The following MYH9 variants were observed in gnomAD, a reference collection of about 807,000 sequenced individuals.
MYH9 encodes myosin heavy chain 9.
In MYH9, 29 loss-of-function variants were observed where a neutral mutation model predicts 241.9. That is an observed-to-expected ratio of 0.12 (90% confidence interval 0.09 to 0.16). The LOEUF (loss-of-function observed/expected upper bound fraction) is 0.16. Ranked by LOEUF, MYH9 falls within the 10% of genes least tolerant of loss-of-function variation. The pLI is 1.00. For missense variants in MYH9, 1,803 were observed against 2,595.5 expected, an observed-to-expected ratio of 0.69 and a Z score of 6.63; for synonymous variants, 1,047 against 1,062.6, an observed-to-expected ratio of 0.99 and a Z score of 0.29.
chr22:36,329,542 T>C lies in MYH9; in HGVS notation c.491-2054A>G, dbSNP rs2017389736. ...TGTGGGCATGTTTAGTCACCGGCTC[T>C]ACTAGCAGGCAAGAATGTACCTGCG... is the stretch of plus-strand genomic sequence containing the variant. On this transcript the variant is annotated intron_variant, in intron 3 of 40. Transcript: ENST00000216181. The surrounding 1 kb of genome is among the most constrained non-coding windows in gnomAD (Gnocchi z 4.1). Among the ~76,000 whole-genome samples, 1 of 152,210 alleles carries C rather than the reference T, an allele frequency of 6.6e-6. No homozygotes were observed. Among genetic ancestry groups the C allele is most frequent in the African/African-American group, 2.4e-5 (1 of 41,458 alleles).
chr22:36,331,809 C>A (rs2017424971), intron 3 of MYH9, among the ~76,000 whole-genome samples: 1 of 152,218 alleles, frequency 6.6e-6, no homozygotes, highest in Non-Finnish European at 1.5e-5. Context: ...ATCTTCGGCT[C>A]CACTGGGCTT....
Position 36,287,347 on chromosome 22 carries a change from C to T in MYH9, c.4933-501G>A, listed in dbSNP as rs545725324. 7.2e-5 allele frequency among the ~76,000 whole-genome samples: 11 copies of T among 152,252 alleles called. 1 individual carries two copies. Among genetic ancestry groups the T allele is most frequent in the Admixed American group, 4.6e-4 (7 of 15,296 alleles). On this transcript the variant is annotated intron_variant, in intron 34 of 40. Transcript: ENST00000216181. ...GAGTGACTGGCTGTGTGCAGCCCGA[C>T]CACACCAGTAAAAAAATGCCACCAG...
intron 3 of MYH9, among the ~76,000 whole-genome samples, chr22:36,328,192 GACA>G (rs1337566551): frequency 2.0e-5 from 3 of 152,212 alleles, no homozygotes; most frequent in Admixed American, 2.0e-4. Flanking sequence ...GGGTTTCTGT[GACA>G]ACCTGTTCTC....
chr22:36,286,868 G>C, intron 34 of MYH9, 22 bp from the exon 35 acceptor site: 1 of 1,603,254 alleles, frequency 6.2e-7, no homozygotes, highest in Non-Finnish European at 8.5e-7. Flanking sequence ...ACAGAGGCTT[G>C]GCACCCCACC....
intron 3 of MYH9, among the ~76,000 whole-genome samples, chr22:36,340,117 G>C (rs899392220): frequency 6.6e-6 from 1 of 151,882 alleles, no homozygotes; most frequent in African/African-American, 2.4e-5. Flanking sequence ...GGTAGGCAAG[G>C]GGCCAATTTT....
chr22:36,382,408 G>C (rs1279900509), intron 1 of MYH9, among the ~76,000 whole-genome samples: 1 of 152,124 alleles, frequency 6.6e-6, no homozygotes, highest in East Asian at 1.9e-4. Context: ...CCAGGAGGCG[G>C]AGGTTGCAGT....
intron 3 of MYH9, among the ~76,000 whole-genome samples, chr22:36,336,480 A>G (rs1014961758): frequency 6.6e-6 from 1 of 152,260 alleles, no homozygotes; most frequent in African/African-American, 2.4e-5. Context: ...AGGGCCAGCA[A>G]CACAACGTTT....
rs980564518 is a variant in MYH9 at position 36,325,385 on chromosome 22, G to A, written c.612+1183C>T. Among the ~76,000 whole-genome samples the A allele has an allele frequency of 1.1e-4, 16 of 152,260 alleles. No homozygotes were observed. The East Asian group carries it at 1.9e-3, about 18-fold the overall frequency. ...CAGACTCACACCCCTCCTTACTTAC[G>A]AAGGCCGCACACGGCACGCCAGTAA... On this transcript the variant is annotated intron_variant, in intron 5 of 40. Transcript: ENST00000216181.
intron 5 of MYH9, among the ~76,000 whole-genome samples, chr22:36,324,744 G>A (rs2017308955): frequency 6.6e-6 from 1 of 152,238 alleles, no homozygotes; most frequent in African/African-American, 2.4e-5. Flanking sequence ...CTGACAGCCT[G>A]AGCTATGACT....
chr22:36,347,747 A>C (rs536803585), intron 2 of MYH9, among the ~76,000 whole-genome samples: 19 of 149,524 alleles, frequency 1.3e-4, no homozygotes, highest in African/African-American at 4.7e-4. Context: ...AGGTGGGTGG[A>C]TCACGAGGTC....
chr22:36,327,610 G>T, intron 3 of MYH9, 122 bp from the exon 4 acceptor site: 2 of 1,167,374 alleles, frequency 1.7e-6, no homozygotes, highest in Admixed American at 1.9e-5. Context: ...TCTTTGTGGG[G>T]ATCTCGCAGT....
rs886057477 is a variant in MYH9, at chr22:36,282,594, C to A, written c.*74G>T. ...GCAGTCCCAAGAAGGTGGGGAGAGGCGTGCTGCGGGGTCTGGGAAGGGGAG... is the reference window on the plus strand; with the variant it reads ...GCAGTCCCAAGAAGGTGGGGAGAGGAGTGCTGCGGGGTCTGGGAAGGGGAG... On this transcript the variant is annotated 3_prime_UTR_variant, in exon 41 of 41. Coordinates refer to ENST00000216181, the MANE Select transcript of MYH9 (RefSeq NM_002473.6). 7.4e-7 allele frequency: 1 copy of A among 1,345,822 alleles called. No individual in the cohort carries two copies. Among genetic ancestry groups the A allele is most frequent in the South Asian group, 1.2e-5 (1 of 85,978 alleles). 83.4% of individuals were successfully genotyped at this position (1,345,822 alleles called of 1,614,324 possible). A position where few individuals can be genotyped will look rare whatever the true frequency, so the allele number is the denominator to read the frequency against.
rs1386927879 is a variant in MYH9, at chr22:36,305,773, GA to G, written c.2159+156del. On this transcript the variant is annotated intron_variant, in intron 17 of 40. Transcript: ENST00000216181. This position sits in a 1 kb window ranked among gnomAD's most constrained non-coding sequence, Gnocchi z 4.7. ...CCTTTCCTGCAAAGGGTGGAAAAGA[GA>G]AGGAGGTGGGGAAGAGCTGGCCAGA... Among the ~76,000 whole-genome samples, 1 of 152,248 alleles carries G rather than the reference GA, an allele frequency of 6.6e-6. No homozygotes were observed. Among genetic ancestry groups the G allele is most frequent in the Middle Eastern group, 3.2e-3 (1 of 316 alleles).
At chr22:36,344,382 G>T (rs976188215) in intron 2 of MYH9, among the ~76,000 whole-genome samples, 2 of 152,206 alleles carry the variant, frequency 1.3e-5, no homozygotes. Context: ...CAAACAGGCT[G>T]CACGAAGGCT....
At chr22:36,367,938 T>G (rs2018035268) in intron 1 of MYH9, among the ~76,000 whole-genome samples, 1 of 151,994 alleles carries the variant, frequency 6.6e-6, no homozygotes, top group Admixed American at 6.6e-5. Flanking sequence ...CGTGCAAAGA[T>G]CTGTGCACAC....
rs549408462 is a variant in MYH9 at position 36,294,971 on chromosome 22, G to A, written c.3591C>T (p.Ala1197=). Residue 1197 remains alanine, a synonymous_variant, in exon 27 of 41, where the codon GCC becomes GCT. Coordinates refer to ENST00000216181, the MANE Select transcript of MYH9 (RefSeq NM_002473.6). ...IQEMRQKHSQ[A]VEELAEQLEQ... is the part of the protein sequence containing the mutation. Reference sequence around the variant, plus strand: ...CCAGCTGCTCCGCCAGCTCCTCCACGGCCTGTGAGTGCTTCTGCCTCATCT... The same window carrying A: ...CCAGCTGCTCCGCCAGCTCCTCCACAGCCTGTGAGTGCTTCTGCCTCATCT... The A allele has an allele frequency of 5.8e-5, 94 of 1,614,104 alleles. No homozygotes were observed. The highest frequency in any genetic ancestry group is 1.1e-4 in the East Asian group (5 of 44,866).
At chr22:36,319,813 C>T (rs987388079) in intron 9 of MYH9, 178 bp from the exon 10 acceptor site, 44 of 664,304 alleles carry the variant, frequency 6.6e-5, no homozygotes, top group Non-Finnish European at 1.1e-4. Context: ...GGCCCAGCCA[C>T]CCTAGAGGGC....
chr22:36,337,638 T>C (rs2017519704), intron 3 of MYH9, among the ~76,000 whole-genome samples: 1 of 152,256 alleles, frequency 6.6e-6, no homozygotes, highest in Non-Finnish European at 1.5e-5. Flanking sequence ...AGGAAATCTT[T>C]GTCTAGTTCT....
chr22:36,349,299 C>G, intron 1 of MYH9, 44 bp from the exon 2 acceptor site: 1 of 1,444,162 alleles, frequency 6.9e-7, no homozygotes, highest in Admixed American at 1.8e-5. Flanking sequence ...ACAACTACGT[C>G]AGCCACACAA....
Sources: gnomAD v4.1 joint callset for allele counts (sites outside exome capture counted in the v4.1 genomes callset) on GRCh38, gnomAD v4.1.1 for gene constraint, Gnocchi (gnomAD v3.1) non-coding constraint, MANE v1.5 for transcripts, NCBI Gene and HGNC (gene_info 2026-07-23, HGNC 2026-07-21) for gene names.